The following WNT16 variants were observed in gnomAD, a reference collection of about 807,000 sequenced individuals.
The protein encoded by WNT16 is protein Wnt-16.
A neutral mutation model predicts 35.4 loss-of-function variants in WNT16; 20 were observed. The ratio of observed to expected loss-of-function variants is 0.56; its 90% CI spans 0.40 to 0.82. The LOEUF (loss-of-function observed/expected upper bound fraction) is 0.82, where lower values mean the gene tolerates loss of function less well. Ranked by LOEUF, WNT16 falls within the 40% of genes least tolerant of loss-of-function variation. The probability of loss-of-function intolerance (pLI) is 0.00; values close to 1 mark genes in which losing one functional copy is unlikely to be tolerated. For missense variants in WNT16, 461 were observed against 466.0 expected, an observed-to-expected ratio of 0.99 and a Z score of 0.10; for synonymous variants, 180 against 179.2, an observed-to-expected ratio of 1.00 and a Z score of -0.03.
rs1793480670 is a variant in WNT16 at position 121,338,866 on chromosome 7, T to C, written c.634-15T>C. On this transcript the variant is annotated splice_polypyrimidine_tract_variant and intron_variant, in intron 3 of 3. Coordinates refer to ENST00000222462, the MANE Select transcript of WNT16 (RefSeq NM_057168.2). ...TTTATGATTGATAGTTGAACACAATTACTGTTGGTTTCAGGCTGTCGCCAA... is the reference window on the plus strand; with the variant it reads ...TTTATGATTGATAGTTGAACACAATCACTGTTGGTTTCAGGCTGTCGCCAA... 4 of 1,605,676 alleles carry C rather than the reference T, an allele frequency of 2.5e-6. No homozygotes were observed. The highest frequency in any genetic ancestry group is 3.4e-6 in the Non-Finnish European group (4 of 1,175,720).
rs916640955 is a variant in WNT16 at position 121,339,760 on chromosome 7, C to A, written c.*415C>A. The A allele has an allele frequency of 3.1e-6, 1 of 325,338 alleles. No individual in the cohort carries two copies. Among genetic ancestry groups the A allele is most frequent in the Non-Finnish European group, 5.6e-6 (1 of 178,188 alleles). 20.2% of individuals were successfully genotyped at this position (325,338 alleles called of 1,614,324 possible). A position where few individuals can be genotyped will look rare whatever the true frequency, so the allele number is the denominator to read the frequency against. On this transcript the variant is annotated 3_prime_UTR_variant, in exon 4 of 4. Coordinates refer to ENST00000222462, the MANE Select transcript of WNT16 (RefSeq NM_057168.2). ...AACATTAGTCATTTTTAAAAGACAC[C>A]TCTTATAGCAATAAGGAGACATTAA... is the stretch of plus-strand genomic sequence containing the variant.
Position 121,329,248 on chromosome 7 carries a change from G to C in WNT16, c.-45G>C, listed in dbSNP as rs1340246981. On this transcript the variant is annotated 5_prime_UTR_variant, in exon 1 of 4. Transcript: ENST00000222462. ...GGCCCGAAGGGCCTCTGGGGAGGGG[G>C]TGCAAAAGAGGAGCGGCTGGGCTGG... 1 of 1,501,462 alleles carries C rather than the reference G, an allele frequency of 6.7e-7. No homozygotes were observed. Among genetic ancestry groups the C allele is most frequent in the East Asian group, 2.4e-5 (1 of 40,868 alleles). The allele number at this position is 1,501,462 out of a possible 1,614,324, so 93.0% of individuals were successfully genotyped here.
At position 121,339,041 on chromosome 7, in the gene WNT16, G is replaced by A. The variant is rs759861570; in HGVS notation, c.794G>A (p.Arg265Lys). ...NSIQISDKTK[R>K]KMRRREKDQR... ...ATCCAGATATCAGACAAAACAAAGAGGAAAATGCGCAGGAGAGAAAAAGAT... is the reference window on the plus strand; with the variant it reads ...ATCCAGATATCAGACAAAACAAAGAAGAAAATGCGCAGGAGAGAAAAAGAT... The change falls in exon 4 of 4, where the codon AGG becomes AAG. Residue 265 changes from arginine to lysine, a missense_variant. Physicochemically the swap from Arg to Lys is conservative, Grantham distance 26 (BLOSUM62 2). Transcript: ENST00000222462. 1.5e-5 allele frequency: 24 copies of A among 1,614,012 alleles called. No individual in the cohort carries two copies. The African/African-American group carries it at 2.7e-4, about 18-fold the overall frequency.
At chr7:121,333,703 C>T (rs1793390683) in intron 3 of WNT16, among the ~76,000 whole-genome samples, 1 of 151,832 alleles carries the variant, frequency 6.6e-6, no homozygotes, top group Non-Finnish European at 1.5e-5. Flanking sequence ...TAAGATTATT[C>T]AAATTAATAT....
intron 2 of WNT16, 126 bp from the exon 3 acceptor site, chr7:121,331,552 G>C: frequency 1.3e-6 from 1 of 788,466 alleles, no homozygotes; most frequent in Non-Finnish European, 2.0e-6. Flanking sequence ...ATATGTACTC[G>C]TTAACGCATC....
intron 3 of WNT16, among the ~76,000 whole-genome samples, chr7:121,336,960 T>A (rs868269738): frequency 1.3e-5 from 2 of 152,234 alleles, no homozygotes; most frequent in Admixed American, 6.5e-5. Context: ...TGGACAGTTA[T>A]GTTTTGTTAT....
At chr7:121,336,989 C>G (rs1045531845) in intron 3 of WNT16, among the ~76,000 whole-genome samples, 6 of 152,140 alleles carry the variant, frequency 3.9e-5, no homozygotes, top group African/African-American at 1.4e-4. Context: ...ACTGATTGAG[C>G]TTTTTCTCGT....
Position 121,340,349 on chromosome 7 carries a change from A to T in WNT16, c.*1004A>T, listed in dbSNP as rs541603430. On this transcript the variant is annotated 3_prime_UTR_variant, in exon 4 of 4. Coordinates refer to ENST00000222462, the MANE Select transcript of WNT16 (RefSeq NM_057168.2). ...TTTATATTAAAACATTTATTGACAA[A>T]GCCTAAGAGCTAAGGCAGTAAAATT... The T allele has an allele frequency of 6.6e-6, 1 of 152,278 alleles. No individual in the cohort carries two copies. The highest frequency in any genetic ancestry group is 2.1e-4 in the South Asian group (1 of 4,826). The allele number at this position is 152,278 out of a possible 1,614,324, so 9.4% of individuals were successfully genotyped here.
chr7:121,328,992 GATAC>G (rs938902570), upstream of WNT16: 1 of 1,157,120 alleles, frequency 8.6e-7, no homozygotes, highest in East Asian at 4.0e-5. Flanking sequence ...TGGAGACGCG[GATAC>G]ATCAACAGAA....
rs1487007582 is a variant in WNT16 at position 121,340,917 on chromosome 7, GA to G, written c.*1574del. On this transcript the variant is annotated 3_prime_UTR_variant, in exon 4 of 4. Transcript: ENST00000222462. ...GAAAAAAATAGATTTTTAAAATTCA[GA>G]ATGGACAAAGAGAATATTCATTTTC... is the stretch of plus-strand genomic sequence containing the variant. 1 of 151,998 alleles carries G rather than the reference GA, an allele frequency of 6.6e-6. No homozygotes were observed. The highest frequency in any genetic ancestry group is 6.5e-5 in the Admixed American group (1 of 15,270). 9.4% of individuals were successfully genotyped at this position (151,998 alleles called of 1,614,324 possible).
In WNT16 at chr7:121,338,962, A is replaced by C; in HGVS notation, c.715A>C (p.Met239Leu). Residue 239 changes from methionine (M) to leucine (L), a missense_variant, in exon 4 of 4, where the codon ATG becomes CTG. Transcript: ENST00000222462. ...SCAVKTCWKT[M>L]SSFEKIGHLL... ...TGCTGTGAAAACATGCTGGAAAACC[A>C]TGTCTTCTTTTGAAAAGATTGGCCA... 1.9e-6 allele frequency: 3 copies of C among 1,614,180 alleles called. No homozygotes were observed. The highest frequency in any genetic ancestry group is 2.5e-6 in the Non-Finnish European group (3 of 1,180,022).
In WNT16 at chr7:121,331,663, T is replaced by G; in HGVS notation, c.347-15T>G. 1.3e-6 allele frequency: 2 copies of G among 1,597,044 alleles called. No homozygotes were observed. Among genetic ancestry groups the G allele is most frequent in the Non-Finnish European group, 1.7e-6 (2 of 1,166,108 alleles). On this transcript the variant is annotated splice_polypyrimidine_tract_variant and intron_variant, in intron 2 of 3. Coordinates refer to ENST00000222462, the MANE Select transcript of WNT16 (RefSeq NM_057168.2). Reference sequence around the variant, plus strand: ...TTGCCTGGTTCTCTAATTTAGCAATTTATATTTTTTCTAGGCACCAAAGAG... The same window carrying G: ...TTGCCTGGTTCTCTAATTTAGCAATGTATATTTTTTCTAGGCACCAAAGAG...
chr7:121,337,962 A>G (rs1055614395), intron 3 of WNT16, among the ~76,000 whole-genome samples: 10 of 152,180 alleles, frequency 6.6e-5, no homozygotes, highest in African/African-American at 2.4e-4. Context: ...AGGATAGGGC[A>G]TGTGTTTTGA....
At chr7:121,325,691 A>G (rs966673580), upstream of WNT16, among the ~76,000 whole-genome samples, 1 of 152,002 alleles carries the variant, frequency 6.6e-6, no homozygotes, top group African/African-American at 2.4e-5. Context: ...CTCTCTATAC[A>G]CACACACTAT....
At chr7:121,327,296 C>A (rs1793260014), upstream of WNT16, among the ~76,000 whole-genome samples, 1 of 150,226 alleles carries the variant, frequency 6.7e-6, no homozygotes, top group South Asian at 2.1e-4. Context: ...TTTCAGTGAG[C>A]TTTTATTGCT....
Position 121,339,542 on chromosome 7 carries a change from T to C in WNT16, c.*197T>C, listed in dbSNP as rs570067881. 2.6e-5 allele frequency: 14 copies of C among 548,486 alleles called. No homozygotes were observed. In the South Asian group the frequency reaches 3.4e-4, roughly 13 times the overall value. 34.0% of individuals were successfully genotyped at this position (548,486 alleles called of 1,614,324 possible). ...CAACCCATCAATCATGTGGATTTCT[T>C]GGGATTCTAATGTTGAAAAGGTTTA... On this transcript the variant is annotated 3_prime_UTR_variant, in exon 4 of 4. Transcript: ENST00000222462.
chr7:121,338,291 C>T (rs1044244475), intron 3 of WNT16, among the ~76,000 whole-genome samples: 5 of 152,184 alleles, frequency 3.3e-5, no homozygotes, highest in African/African-American at 1.2e-4. Context: ...GAGGTTTGAG[C>T]ATTGGTTATT....
At chr7:121,329,921 T>TCA (rs1312272839) in intron 2 of WNT16, 104 bp downstream of exon 2, 1 of 1,487,602 alleles carries the variant, frequency 6.7e-7, no homozygotes, top group African/African-American at 1.4e-5. Flanking sequence ...TGTAGCTCTC[T>TCA]AAGTTCCAGA....
At chr7:121,325,446 C>G (rs1317357626), upstream of WNT16, 2 of 1,613,784 alleles carry the variant, frequency 1.2e-6, no homozygotes, top group East Asian at 4.5e-5. Context: ...CAGGGAGACC[C>G]TCTTCACAGG....
Sources: allele counts gnomAD v4.1 joint callset (sites outside exome capture counted in the v4.1 genomes callset), GRCh38; gene constraint gnomAD v4.1.1; transcripts MANE v1.5; gene names NCBI Gene and HGNC (gene_info 2026-07-23, HGNC 2026-07-21).